The following KLF17 variants were observed in gnomAD, a reference collection of about 807,000 sequenced individuals.
KLF17 encodes KLF transcription factor 17.
Under a neutral mutation model 34.2 loss-of-function variants are expected in KLF17, and 31 were observed. The observed-to-expected ratio is 0.91, with a 90% CI of 0.68 to 1.22. KLF17 has a LOEUF of 1.22. KLF17 is among the 50% of genes most tolerant of loss of function. KLF17 has a pLI of 0.00. For synonymous variants in KLF17, 179 were observed against 186.7 expected, an observed-to-expected ratio of 0.96 and a Z score of 0.34; for missense variants, 478 against 505.2, an observed-to-expected ratio of 0.95 and a Z score of 0.52.
At chr1:44,050,336 G>T in the KLF17 span, among the ~76,000 whole-genome samples, 7 of 152,134 alleles carry the variant, frequency 4.6e-5, no homozygotes, top group Non-Finnish European at 1.0e-4. Flanking sequence ...AGAGGCAAAA[G>T]CACCTCTCCA....
At chr1:44,127,869 T>C (rs1348225823) in intron 1 of KLF17, among the ~76,000 whole-genome samples, 1 of 147,144 alleles carries the variant, frequency 6.8e-6, no homozygotes, top group East Asian at 2.0e-4. Flanking sequence ...TTCGGGTGAC[T>C]TTTTTTTTTA....
At chr1:44,071,029 C>G in the KLF17 span, among the ~76,000 whole-genome samples, 3 of 152,122 alleles carry the variant, frequency 2.0e-5, no homozygotes, top group African/African-American at 7.2e-5. Context: ...AAACCTCTTC[C>G]TCACCTCTTA....
chr1:44,104,013 A>G, the KLF17 span: 1 of 858,702 alleles, frequency 1.2e-6, no homozygotes, highest in Non-Finnish European at 2.0e-6. Context: ...GTCCGTGTCC[A>G]TGGAGCGGCT....
chr1:44,054,118 C>A, the KLF17 span, among the ~76,000 whole-genome samples: 1 of 152,262 alleles, frequency 6.6e-6, no homozygotes, highest in East Asian at 1.9e-4. Flanking sequence ...TTTCTTGGGG[C>A]ACTCAGGAAA....
At chr1:44,070,867 T>A in the KLF17 span, among the ~76,000 whole-genome samples, 1 of 152,184 alleles carries the variant, frequency 6.6e-6, no homozygotes, top group Non-Finnish European at 1.5e-5. Context: ...TGCAAGTAAG[T>A]TAACTGCAAT....
Position 44,118,944 on chromosome 1 carries a change from G to T in KLF17, c.37G>T (p.Ala13Ser). Residue 13 changes from alanine to serine, a missense_variant, in exon 1 of 4, where the codon GCT becomes TCT. By Grantham distance (99) the Ala-to-Ser change is moderately conservative. Coordinates refer to ENST00000372299, the MANE Select transcript of KLF17 (RefSeq NM_173484.4). Reference sequence around the variant, plus strand: ...ACCGCAGGCTGAGATGGAACAGGAGGCTGGGGAGCTGAGCCGGTGGCAGGC... The same window carrying T: ...ACCGCAGGCTGAGATGGAACAGGAGTCTGGGGAGCTGAGCCGGTGGCAGGC... ...GRPQAEMEQE[A>S]GELSRWQAAH... The T allele has an allele frequency of 6.2e-7, 1 of 1,612,410 alleles. No individual in the cohort carries two copies.
the KLF17 span, among the ~76,000 whole-genome samples, chr1:44,082,939 CTTTTTT>C: frequency 7.7e-6 from 1 of 129,648 alleles, no homozygotes; most frequent in Non-Finnish European, 1.6e-5. Flanking sequence ...TGTCTTTAAA[CTTTTTT>C]TTTTTTTTTT....
chr1:44,070,172 C>A, the KLF17 span, among the ~76,000 whole-genome samples: 1 of 152,136 alleles, frequency 6.6e-6, no homozygotes, highest in Admixed American at 6.6e-5. Context: ...TCTACCAAAC[C>A]TCCTTTTTAA....
chr1:44,071,895 T>A, the KLF17 span, among the ~76,000 whole-genome samples: 2 of 152,056 alleles, frequency 1.3e-5, no homozygotes, highest in Non-Finnish European at 2.9e-5. Flanking sequence ...AGTAGTTAAC[T>A]ACCTGGAGCT....
chr1:44,083,863 G>GGCTTCTC, the KLF17 span, among the ~76,000 whole-genome samples: 1 of 151,512 alleles, frequency 6.6e-6, no homozygotes, highest in Non-Finnish European at 1.5e-5. Flanking sequence ...CTCAAGCTGA[G>GGCTTCTC]AAGCCTGGTC....
chr1:44,062,655 G>A, the KLF17 span, among the ~76,000 whole-genome samples: 5 of 150,596 alleles, frequency 3.3e-5, no homozygotes, highest in African/African-American at 9.8e-5. Context: ...GTTCGAGGCC[G>A]CAGTGATCCA....
At chr1:44,057,195 T>C in the KLF17 span, among the ~76,000 whole-genome samples, 1 of 152,120 alleles carries the variant, frequency 6.6e-6, no homozygotes. Flanking sequence ...TTTGCCTCCC[T>C]AGACTTCCAT....
At chr1:44,100,642 TTTG>T in the KLF17 span, among the ~76,000 whole-genome samples, 2 of 77,512 alleles carry the variant, frequency 2.6e-5, no homozygotes, top group African/African-American at 7.4e-5. Context: ...TTGTTTTTGT[TTTG>T]TTTTGTTTTG....
chr1:44,098,211 A>C, the KLF17 span, among the ~76,000 whole-genome samples: 1 of 152,140 alleles, frequency 6.6e-6, no homozygotes, highest in Non-Finnish European at 1.5e-5. Context: ...TGTTTCTAAA[A>C]TTTATCAATT....
chr1:44,104,497 C>G, the KLF17 span: 1 of 762,494 alleles, frequency 1.3e-6, no homozygotes, highest in Non-Finnish European at 2.4e-6. Context: ...TTGATCTGCT[C>G]CTTCTCCTGG....
intron 1 of KLF17, among the ~76,000 whole-genome samples, chr1:44,127,759 T>C (rs1186280580): frequency 6.7e-6 from 1 of 149,602 alleles, no homozygotes; most frequent in Admixed American, 6.7e-5. Context: ...CTTTTCTTTC[T>C]TTCTTCTCTT....
the KLF17 span, among the ~76,000 whole-genome samples, chr1:44,082,770 T>C: frequency 1.3e-5 from 2 of 152,114 alleles, no homozygotes; most frequent in African/African-American, 4.8e-5. Context: ...CTTATTACCT[T>C]GGTAAGGCAA....
At chr1:44,098,185 A>T in the KLF17 span, among the ~76,000 whole-genome samples, 2 of 151,742 alleles carry the variant, frequency 1.3e-5, no homozygotes, top group African/African-American at 4.8e-5. Flanking sequence ...TCATGGTTCA[A>T]TCTCGGTAGG....
the KLF17 span, chr1:44,104,172 T>C: frequency 5.7e-6 from 6 of 1,057,532 alleles, no homozygotes; most frequent in Non-Finnish European, 8.9e-6. Context: ...GTAAGCTTCA[T>C]CCACATCCTT....
Sources: gnomAD v4.1 joint callset for allele counts (sites outside exome capture counted in the v4.1 genomes callset) on GRCh38, gnomAD v4.1.1 for gene constraint, MANE v1.5 for transcripts, NCBI Gene and HGNC (gene_info 2026-07-23, HGNC 2026-07-21) for gene names.